STK3: variants seen among roughly 807,000 people sequenced by gnomAD.
STK3 encodes serine/threonine-protein kinase 3.
In STK3, 41 loss-of-function variants were observed where a neutral mutation model predicts 58.0. That is an observed-to-expected ratio of 0.71 (90% CI 0.55 to 0.92). The LOEUF is 0.92. STK3 is among the 40% of genes least tolerant of loss of function. The pLI, the probability that STK3 is intolerant of heterozygous loss-of-function variation, is 0.00. For missense variants in STK3, 479 were observed against 602.7 expected (o/e 0.79, Z 2.15); for synonymous variants, 170 against 191.0 (o/e 0.89, Z 0.91).
intron 1 of STK3, among the ~76,000 whole-genome samples, chr8:98,904,406 G>T (rs993188024): frequency 3.9e-5 from 6 of 152,162 alleles, no homozygotes; most frequent in Admixed American, 2.0e-4. Flanking sequence ...ACAGAGACTA[G>T]TATCAGGAGG....
intron 6 of STK3, among the ~76,000 whole-genome samples, chr8:98,641,190 T>A (rs1367945242): frequency 1.3e-5 from 2 of 152,192 alleles, no homozygotes; most frequent in Non-Finnish European, 2.9e-5. Context: ...ATAGATTGGT[T>A]AATGAATCTG....
At chr8:98,684,221 A>G (rs1290175267) in intron 6 of STK3, among the ~76,000 whole-genome samples, 1 of 152,200 alleles carries the variant, frequency 6.6e-6, no homozygotes, top group African/African-American at 2.4e-5. Flanking sequence ...TGCTTCCAGT[A>G]GAGGCTGCAG....
At position 98,905,659 on chromosome 8, in the gene STK3, C is replaced by T. The variant is rs111626483; in HGVS notation, c.-78-21825G>A. ...CCTCCTGGGGCAGGTTTCTGATGAA[C>T]AGCTTCATCATCCGGACAAGCACCT... On this transcript the variant is annotated intron_variant, in intron 1 of 1. Transcript: ENST00000519420. 35 of 763,580 alleles carry T rather than the reference C, an allele frequency of 4.6e-5. 1 individual carries two copies. Among genetic ancestry groups the T allele is most frequent in the African/African-American group, 3.3e-4 (19 of 58,440 alleles). 47.3% of individuals were successfully genotyped at this position (763,580 alleles called of 1,614,324 possible). A position where few individuals can be genotyped will look rare whatever the true frequency, so the allele number is the denominator to read the frequency against.
At chr8:98,511,140 C>T (rs1248153083) in intron 10 of STK3, among the ~76,000 whole-genome samples, 1 of 151,880 alleles carries the variant, frequency 6.6e-6, no homozygotes, top group Non-Finnish European at 1.5e-5. Context: ...AATATTTTCT[C>T]ATGTTCTGGA....
intron 1 of STK3, among the ~76,000 whole-genome samples, chr8:98,884,279 A>G (rs915000810): frequency 3.3e-5 from 5 of 152,174 alleles, no homozygotes; most frequent in Non-Finnish European, 7.4e-5. Flanking sequence ...TGATATTCTA[A>G]GATGTGAGTC....
chr8:98,884,614 C>T (rs1564081735), intron 1 of STK3, among the ~76,000 whole-genome samples: 1 of 152,042 alleles, frequency 6.6e-6, no homozygotes, highest in Admixed American at 6.5e-5. Flanking sequence ...TGTTGAAATG[C>T]GAGCCCCCAA....
At chr8:98,547,279 A>G (rs1810773959) in intron 9 of STK3, among the ~76,000 whole-genome samples, 1 of 152,202 alleles carries the variant, frequency 6.6e-6, no homozygotes, top group Non-Finnish European at 1.5e-5. Flanking sequence ...TAACTGTGAA[A>G]TCACAATGAC....
At chr8:98,792,334 C>T (rs1256445070) in intron 1 of STK3, among the ~76,000 whole-genome samples, 1 of 152,188 alleles carries the variant, frequency 6.6e-6, no homozygotes, top group African/African-American at 2.4e-5. Flanking sequence ...ACAGGGAACA[C>T]TTCTGCACTG....
chr8:98,651,052 T>C (rs1378691222), intron 6 of STK3, among the ~76,000 whole-genome samples: 2 of 152,242 alleles, frequency 1.3e-5, no homozygotes, highest in Non-Finnish European at 2.9e-5. Context: ...AGTGGGTCCC[T>C]GACCCCTGGC....
intron 1 of STK3, among the ~76,000 whole-genome samples, chr8:98,788,465 A>C (rs560481081): frequency 4.6e-5 from 7 of 151,624 alleles, no homozygotes; most frequent in Non-Finnish European, 8.8e-5. Context: ...AAACAAACAA[A>C]AAAAAAAATA....
chr8:98,630,689 A>AG (rs1819130913), intron 6 of STK3, among the ~76,000 whole-genome samples: 1 of 150,514 alleles, frequency 6.6e-6, no homozygotes, highest in African/African-American at 2.5e-5. Flanking sequence ...GAGGAGAAGG[A>AG]GAAGAAGGAG....
rs571896298 is a variant in STK3 at position 98,715,320 on chromosome 8, G to C, written c.352-8009C>G. On this transcript the variant is annotated intron_variant, in intron 4 of 10. Transcript: ENST00000419617. ...ACTAAAGAGCTTCTGCACAGCAGAA[G>C]AAACTACCATCAGAGTGAACAGGCA... 7.9e-5 allele frequency among the ~76,000 whole-genome samples: 12 copies of C among 152,038 alleles called. No homozygotes were observed. The South Asian group carries it at 2.3e-3, about 29-fold the overall frequency.
At chr8:98,417,253 G>T (rs1225630060) in intron 3 of STK3, among the ~76,000 whole-genome samples, 2 of 152,212 alleles carry the variant, frequency 1.3e-5, no homozygotes, top group Non-Finnish European at 2.9e-5. Context: ...GGTGGCTCAT[G>T]CCTGTAATCC....
At chr8:98,885,588 C>A (rs1333663146) in intron 1 of STK3, among the ~76,000 whole-genome samples, 1 of 152,038 alleles carries the variant, frequency 6.6e-6, no homozygotes, top group African/African-American at 2.4e-5. Context: ...TACAGGCATG[C>A]GCCACCAGGC....
chr8:98,851,174 C>T (rs1281676115), intron 3 of STK3, among the ~76,000 whole-genome samples: 2 of 152,160 alleles, frequency 1.3e-5, no homozygotes, highest in African/African-American at 4.8e-5. Context: ...CAACCATCAG[C>T]ACTGACTTAA....
intron 1 of STK3, among the ~76,000 whole-genome samples, chr8:98,788,691 A>G (rs1233512212): frequency 2.0e-5 from 3 of 152,196 alleles, no homozygotes; most frequent in Non-Finnish European, 4.4e-5. Context: ...GAGAGTCATA[A>G]AAGGCCTTGT....
intron 3 of STK3, among the ~76,000 whole-genome samples, chr8:98,395,141 AT>A (rs1172204789): frequency 6.6e-6 from 1 of 152,182 alleles, no homozygotes; most frequent in Non-Finnish European, 1.5e-5. Flanking sequence ...ATCTATTTCA[AT>A]TGTGTCAGAC....
intron 6 of STK3, among the ~76,000 whole-genome samples, chr8:98,661,154 G>A (rs969788076): frequency 2.0e-5 from 3 of 151,256 alleles, no homozygotes; most frequent in Non-Finnish European, 2.9e-5. Flanking sequence ...AAAATGTCAC[G>A]CTACAATTCA....
chr8:98,621,315 T>A (rs892441836), intron 6 of STK3, among the ~76,000 whole-genome samples: 1 of 152,228 alleles, frequency 6.6e-6, no homozygotes, highest in Non-Finnish European at 1.5e-5. Flanking sequence ...TATTCATTGG[T>A]ATTTTCTATG....
Sources: allele counts gnomAD v4.1 joint callset (sites outside exome capture counted in the v4.1 genomes callset), GRCh38; gene constraint gnomAD v4.1.1; transcripts MANE v1.5; gene names NCBI Gene and HGNC (gene_info 2026-07-23, HGNC 2026-07-21).